RBFOX1: variants seen among roughly 807,000 people sequenced by gnomAD.
RBFOX1 encodes RNA binding protein fox-1 homolog 1.
A neutral mutation model predicts 57.7 loss-of-function variants in RBFOX1; 8 were observed. The observed-to-expected ratio is 0.14, with a 90% CI of 0.08 to 0.25. RBFOX1 has a LOEUF of 0.25. Ranked by LOEUF, RBFOX1 falls within the 10% of genes least tolerant of loss-of-function variation. The pLI is 1.00. For synonymous variants in RBFOX1, 326 were observed against 222.4 expected (o/e 1.47, Z -4.15); for missense variants, 611 against 548.5 (o/e 1.11, Z -1.14).
intron 2 of RBFOX1, among the ~76,000 whole-genome samples, chr16:6,492,461 C>G (rs932292264): frequency 1.4e-4 from 22 of 152,090 alleles, no homozygotes; most frequent in Admixed American, 6.5e-5. Flanking sequence ...CCCAGCTATT[C>G]AGGAGGCTGA....
intron 4 of RBFOX1, among the ~76,000 whole-genome samples, chr16:7,098,090 C>T (rs1462476685): frequency 2.0e-5 from 3 of 152,266 alleles, no homozygotes; most frequent in Non-Finnish European, 4.4e-5. Flanking sequence ...ATCAAACAGG[C>T]AAGTGGTACA....
chr16:7,526,535 A>G (rs1347037381), intron 5 of RBFOX1, among the ~76,000 whole-genome samples: 1 of 152,166 alleles, frequency 6.6e-6, no homozygotes, highest in African/African-American at 2.4e-5. Context: ...AACAACTATC[A>G]GACGATGGAT....
intron 3 of RBFOX1, among the ~76,000 whole-genome samples, chr16:6,897,219 C>G (rs1596487243): frequency 6.6e-6 from 1 of 152,172 alleles, no homozygotes; most frequent in Admixed American, 6.5e-5. Context: ...TTCATAACTT[C>G]TAAGATAGAG....
intron 4 of RBFOX1, among the ~76,000 whole-genome samples, chr16:7,434,736 AT>A (rs71147698): frequency 0.33 from 48,883 of 147,910 alleles, 8,708 homozygotes; most frequent in Middle Eastern, 0.44. Flanking sequence ...TCTTGTTAAC[AT>A]TTTTTTTTTT....
intron 3 of RBFOX1, among the ~76,000 whole-genome samples, chr16:6,848,712 GA>G (rs2093900689): frequency 6.6e-6 from 1 of 152,042 alleles, no homozygotes; most frequent in African/African-American, 2.4e-5. Flanking sequence ...AGAGATAATA[GA>G]TGGATAATCT....
intron 1 of RBFOX1, among the ~76,000 whole-genome samples, chr16:6,300,146 T>G (rs573804480): frequency 6.6e-6 from 1 of 152,118 alleles, no homozygotes; most frequent in African/African-American, 2.4e-5. Flanking sequence ...AAAGTCAAAC[T>G]CATAGAAACA....
At chr16:5,536,929 A>G (rs1003705731) in intron 2 of RBFOX1, among the ~76,000 whole-genome samples, 1 of 152,158 alleles carries the variant, frequency 6.6e-6, no homozygotes, top group South Asian at 2.1e-4. Context: ...GCTGGTTTAC[A>G]TTGCTTACAT....
chr16:7,291,148 G>A (rs771639037), intron 4 of RBFOX1, among the ~76,000 whole-genome samples: 4 of 152,166 alleles, frequency 2.6e-5, no homozygotes, highest in Admixed American at 2.6e-4. Flanking sequence ...CTGGACAGAG[G>A]GAGATATGTA....
intron 3 of RBFOX1, among the ~76,000 whole-genome samples, chr16:6,903,158 G>A (rs1368070363): frequency 6.6e-6 from 1 of 152,150 alleles, no homozygotes; most frequent in Non-Finnish European, 1.5e-5. Context: ...TGAAGAAGGG[G>A]AGGAGCCTTT....
chr16:6,350,999 G>A (rs1480669915), intron 2 of RBFOX1, among the ~76,000 whole-genome samples: 5 of 152,160 alleles, frequency 3.3e-5, no homozygotes, highest in Non-Finnish European at 7.3e-5. Context: ...TGGCTGACAA[G>A]TAGCAACTTG....
chr16:5,441,653 C>A (rs371325645), intron 1 of RBFOX1, among the ~76,000 whole-genome samples: 1 of 152,134 alleles, frequency 6.6e-6, no homozygotes, highest in Admixed American at 6.5e-5. Context: ...GTGTGAGCCA[C>A]TGTTCCTGGC....
intron 2 of RBFOX1, among the ~76,000 whole-genome samples, chr16:5,492,172 A>T (rs1348012767): frequency 1.3e-5 from 2 of 152,310 alleles, no homozygotes; most frequent in East Asian, 3.9e-4. Context: ...TGCATGCTCA[A>T]AGTATAAGAA....
chr16:7,142,547 C>G (rs1403604630), intron 4 of RBFOX1, among the ~76,000 whole-genome samples: 4 of 152,170 alleles, frequency 2.6e-5, no homozygotes, highest in East Asian at 1.9e-4. Context: ...GCATGGCCGG[C>G]TCTTTCTTAG....
At chr16:5,617,905 C>G in intron 3 of RBFOX1, among the ~76,000 whole-genome samples, 1 of 152,268 alleles carries the variant, frequency 6.6e-6, no homozygotes, top group East Asian at 1.9e-4. Context: ...AACACTCTTA[C>G]CTGGTATCTA....
intron 3 of RBFOX1, among the ~76,000 whole-genome samples, chr16:6,882,335 C>T (rs1014433513): frequency 1.3e-5 from 2 of 152,166 alleles, no homozygotes; most frequent in Non-Finnish European, 2.9e-5. Context: ...ATTCTGGCTA[C>T]TTTTAGCAGT....
intron 2 of RBFOX1, among the ~76,000 whole-genome samples, chr16:6,518,823 C>G (rs1001125524): frequency 1.6e-5 from 2 of 122,670 alleles, no homozygotes; most frequent in South Asian, 2.6e-4. Context: ...ATCTATCTAT[C>G]TATCTATCTA....
Position 7,062,317 on chromosome 16 carries a change from CAAAAAAAA to C in RBFOX1, c.27+10233_27+10240del, listed in dbSNP as rs57989614. 4.8e-3 allele frequency among the ~76,000 whole-genome samples: 313 copies of C among 65,344 alleles called. 4 individuals are homozygous for C. The highest frequency in any genetic ancestry group is 0.018 in the African/African-American group (294 of 16,322). The allele number at this position is 65,344 out of a possible 152,430, so 42.9% of individuals were successfully genotyped here. ...TGAGAGACAGAGTGAGACTCCATCT[CAAAAAAAA>C]AAAAAAAAAAAAAGAAAAGAAAAAA... On this transcript the variant is annotated intron_variant, in intron 4 of 15. Coordinates refer to ENST00000550418, the MANE Select transcript of RBFOX1 (RefSeq NM_018723.4).
intron 2 of RBFOX1, among the ~76,000 whole-genome samples, chr16:6,477,782 C>T (rs1163428831): frequency 1.3e-5 from 2 of 152,202 alleles, no homozygotes; most frequent in East Asian, 3.9e-4. Flanking sequence ...TTTGTCTACA[C>T]TGAAAATCTG....
At chr16:7,012,876 T>C (rs771071308) in intron 3 of RBFOX1, among the ~76,000 whole-genome samples, 1 of 152,114 alleles carries the variant, frequency 6.6e-6, no homozygotes, top group Non-Finnish European at 1.5e-5. Flanking sequence ...TATTTTCCCA[T>C]AGCTGGGGAG....
Sources: allele counts gnomAD v4.1 joint callset (sites outside exome capture counted in the v4.1 genomes callset), GRCh38; gene constraint gnomAD v4.1.1; transcripts MANE v1.5; gene names NCBI Gene and HGNC (gene_info 2026-07-23, HGNC 2026-07-21).